Variants in ZSCAN5A observed in about 807,000 individuals in gnomAD.
ZSCAN5A encodes zinc finger and SCAN domain-containing protein 5A.
In ZSCAN5A, 12 loss-of-function variants were observed where a neutral mutation model predicts 23.7. That is an observed-to-expected ratio of 0.51 (90% CI 0.32 to 0.82). The LOEUF (loss-of-function observed/expected upper bound fraction) is 0.82. Among genes scored for constraint, ZSCAN5A ranks in the 40% least tolerant of loss-of-function variants. ZSCAN5A has a pLI of 0.03. For synonymous variants in ZSCAN5A, 257 were observed against 239.9 expected, an observed-to-expected ratio of 1.07 and a Z score of -0.66; for missense variants, 597 against 617.9, an observed-to-expected ratio of 0.97 and a Z score of 0.36.
intron 2 of ZSCAN5A, among the ~76,000 whole-genome samples, chr19:56,246,141 G>A (rs760890107): frequency 3.9e-5 from 6 of 152,198 alleles, no homozygotes; most frequent in Non-Finnish European, 8.8e-5. Context: ...GAGAGACTCA[G>A]AAATGAGGTG....
At chr19:56,242,940 G>A (rs796791907) in intron 2 of ZSCAN5A, among the ~76,000 whole-genome samples, 31 of 152,002 alleles carry the variant, frequency 2.0e-4, no homozygotes, top group Admixed American at 1.2e-3. Context: ...CACCATGCCC[G>A]GCTAATTTTT....
At chr19:56,271,011 T>C (rs905853570) in intron 2 of ZSCAN5A, among the ~76,000 whole-genome samples, 3 of 152,222 alleles carry the variant, frequency 2.0e-5, no homozygotes, top group Non-Finnish European at 2.9e-5. Flanking sequence ...AGAATATTAA[T>C]GATGTTCTAC....
intron 2 of ZSCAN5A, among the ~76,000 whole-genome samples, chr19:56,290,880 G>A (rs1316952680): frequency 2.0e-5 from 3 of 152,114 alleles, no homozygotes; most frequent in Admixed American, 1.3e-4. Context: ...GGGTCACTTG[G>A]AAGTTTTCAG....
chr19:56,282,787 G>A (rs1282233500), intron 2 of ZSCAN5A, among the ~76,000 whole-genome samples: 1 of 152,192 alleles, frequency 6.6e-6, no homozygotes, highest in Non-Finnish European at 1.5e-5. Context: ...GCTCAATTCA[G>A]GTCTACCTGA....
chr19:56,263,863 A>T (rs926845921), intron 2 of ZSCAN5A, among the ~76,000 whole-genome samples: 66 of 152,192 alleles, frequency 4.3e-4, no homozygotes, highest in Non-Finnish European at 8.8e-5. Flanking sequence ...GAGCCATATA[A>T]ATATTATATG....
chr19:56,222,068 A>G lies in ZSCAN5A; in HGVS notation c.998T>C (p.Ile333Thr), dbSNP rs1214068737. 6.2e-7 allele frequency: 1 copy of G among 1,614,138 alleles called. No individual in the cohort carries two copies. Among genetic ancestry groups the G allele is most frequent in the East Asian group, 2.2e-5 (1 of 44,866 alleles). ...ESPGQAGMNS[I>T]HSPGPASPVS... ...TGGGCTCGCAGGGCCTGGGGAATGA[A>G]TTGAATTCATCCCAGCTTGTCCCGG... is the stretch of plus-strand genomic sequence containing the variant. The change falls in exon 6 of 6, where the codon ATT becomes ACT. Residue 333 changes from isoleucine to threonine, a missense_variant. By Grantham distance (89) the Ile-to-Thr change is moderately conservative. This residue lies in a region of ZSCAN5A where 406 missense variants were observed against 353.2 expected (regional missense o/e 1.15). Transcript: ENST00000683990.
chr19:56,232,535 A>G (rs2146504863), intron 2 of ZSCAN5A, among the ~76,000 whole-genome samples: 1 of 152,258 alleles, frequency 6.6e-6, no homozygotes, highest in South Asian at 2.1e-4. Flanking sequence ...ACTTGAAAAC[A>G]AGTTCAGAAT....
intron 5 of ZSCAN5A, 67 bp downstream of exon 5, chr19:56,222,524 T>C: frequency 1.9e-6 from 3 of 1,577,616 alleles, no homozygotes; most frequent in Non-Finnish European, 2.6e-6. Flanking sequence ...ATGATAATGC[T>C]GGGCCCCCAG....
chr19:56,225,067 A>G lies in ZSCAN5A; in HGVS notation c.-21T>C, dbSNP rs757635740. The stretch of plus-strand genomic sequence containing the variant: ...GCCATATCTAGTGGAGAATTTTTTA[A>G]TCAGTCTCTGAGAAAGCTCTTCCAG... On this transcript the variant is annotated 5_prime_UTR_variant, in exon 3 of 6. Transcript: ENST00000683990. 9.0e-6 allele frequency: 14 copies of G among 1,561,252 alleles called. No homozygotes were observed. In the East Asian group the frequency reaches 2.9e-4, roughly 33 times the overall value.
At position 56,222,060 on chromosome 19, in the gene ZSCAN5A, G is replaced by C. The variant is rs760696171; in HGVS notation, c.1006C>G (p.Pro336Ala). 1 of 1,614,008 alleles carries C rather than the reference G, an allele frequency of 6.2e-7. No individual in the cohort carries two copies. The highest frequency in any genetic ancestry group is 2.2e-5 in the East Asian group (1 of 44,878). The change falls in exon 6 of 6, where the codon CCA (proline) becomes GCA (alanine). Residue 336 changes from proline (P) to alanine (A), a missense_variant. Pro to Ala is a conservative substitution (Grantham distance 27). Transcript: ENST00000683990. ...GQAGMNSIHSPGPASPVSHPD... is the reference protein window; with the variant it reads ...GQAGMNSIHSAGPASPVSHPD... ...TGACTGACTGGGCTCGCAGGGCCTGGGGAATGAATTGAATTCATCCCAGCT... is the reference window on the plus strand; with the variant it reads ...TGACTGACTGGGCTCGCAGGGCCTGCGGAATGAATTGAATTCATCCCAGCT...
rs975836451 is a variant in ZSCAN5A, at chr19:56,221,331, G to A, written c.*244C>T. 1.4e-5 allele frequency: 6 copies of A among 433,412 alleles called. No homozygotes were observed. Among genetic ancestry groups the A allele is most frequent in the South Asian group, 1.2e-4 (2 of 16,760 alleles). 26.8% of individuals were successfully genotyped at this position (433,412 alleles called of 1,614,324 possible). On this transcript the variant is annotated 3_prime_UTR_variant, in exon 6 of 6. Coordinates refer to ENST00000683990, the MANE Select transcript of ZSCAN5A (RefSeq NM_001322064.3). ...AATATTGAAAACTAATAAGATGATC[G>A]TTTATTGGAAGAACAGCAACACAAA...
intron 2 of ZSCAN5A, among the ~76,000 whole-genome samples, chr19:56,292,055 T>C (rs562509852): frequency 7.2e-5 from 11 of 152,274 alleles, no homozygotes; most frequent in African/African-American, 2.4e-4. Flanking sequence ...ATCCCAGTGG[T>C]GACGGTGGGT....
At chr19:56,327,337 G>A (rs754116713) in intron 2 of ZSCAN5A, among the ~76,000 whole-genome samples, 4 of 151,638 alleles carry the variant, frequency 2.6e-5, no homozygotes, top group Non-Finnish European at 5.9e-5. Context: ...GGCTGGTCTC[G>A]AACTCCTGGC....
intron 2 of ZSCAN5A, among the ~76,000 whole-genome samples, chr19:56,264,143 G>A (rs1216833738): frequency 3.3e-5 from 5 of 151,932 alleles, no homozygotes; most frequent in African/African-American, 9.7e-5. Flanking sequence ...GCAGGCACCC[G>A]CCACCTCACC....
intron 2 of ZSCAN5A, chr19:56,302,061 C>T (rs1316104020): frequency 1.9e-5 from 24 of 1,231,712 alleles, no homozygotes; most frequent in Non-Finnish European, 2.3e-5. Context: ...ATGGTGATGA[C>T]CTACCTCTTC....
In ZSCAN5A at chr19:56,225,061, T is replaced by A. The variant is rs758036342; in HGVS notation, c.-15A>T. The A allele has an allele frequency of 8.9e-6, 14 of 1,566,978 alleles. No homozygotes were observed. In the East Asian group the frequency reaches 2.9e-4, roughly 33 times the overall value. ...TTTGCAGCCATATCTAGTGGAGAAT[T>A]TTTTAATCAGTCTCTGAGAAAGCTC... On this transcript the variant is annotated 5_prime_UTR_variant, in exon 3 of 6. Transcript: ENST00000683990.
Position 56,222,062 on chromosome 19 carries a change from G to T in ZSCAN5A, c.1004C>A (p.Ser335Tyr), listed in dbSNP as rs1447964428. 1 of 1,614,066 alleles carries T rather than the reference G, an allele frequency of 6.2e-7. No homozygotes were observed. Among genetic ancestry groups the T allele is most frequent in the Non-Finnish European group, 8.5e-7 (1 of 1,180,038 alleles). ...PGQAGMNSIH[S>Y]PGPASPVSHP... ...ACTGACTGGGCTCGCAGGGCCTGGGGAATGAATTGAATTCATCCCAGCTTG... is the reference window on the plus strand; with the variant it reads ...ACTGACTGGGCTCGCAGGGCCTGGGTAATGAATTGAATTCATCCCAGCTTG... Residue 335 changes from serine (S) to tyrosine (Y), a missense_variant, in exon 6 of 6, where the codon TCC becomes TAC. By Grantham distance (144) the Ser-to-Tyr change is moderately radical. Around this residue, in one of 5 missense-constraint regions of ZSCAN5A, gnomAD observed 406 missense variants for 353.2 expected, o/e 1.15. Coordinates refer to ENST00000683990, the MANE Select transcript of ZSCAN5A (RefSeq NM_001322064.3).
chr19:56,283,946 C>G (rs572802051), intron 2 of ZSCAN5A: 1 of 152,290 alleles, frequency 6.6e-6, no homozygotes, highest in African/African-American at 2.4e-5. Context: ...CCACTTTGGA[C>G]GCTCTTCCCT....
At chr19:56,243,837 G>A (rs2035623690) in intron 2 of ZSCAN5A, among the ~76,000 whole-genome samples, 1 of 150,160 alleles carries the variant, frequency 6.7e-6, no homozygotes, top group Non-Finnish European at 1.5e-5. Flanking sequence ...TGAAGAAGTG[G>A]CGTCCAGGAT....
Sources: allele counts gnomAD v4.1 joint callset (sites outside exome capture counted in the v4.1 genomes callset), GRCh38; gene constraint gnomAD v4.1.1; regional missense constraint gnomAD v4.1.1; transcripts MANE v1.5; gene names NCBI Gene and HGNC (gene_info 2026-07-23, HGNC 2026-07-21).